GRIP1: variants seen among roughly 807,000 people sequenced by gnomAD.
The protein encoded by GRIP1 is glutamate receptor-interacting protein 1.
A neutral mutation model predicts 129.9 loss-of-function variants in GRIP1; 45 were observed. That is an observed-to-expected ratio of 0.35 (90% CI 0.27 to 0.44). GRIP1 has a LOEUF of 0.44. Among genes scored for constraint, GRIP1 ranks in the 20% least tolerant of loss-of-function variants. The probability of loss-of-function intolerance (pLI) is 1.00; values close to 1 mark genes in which losing one functional copy is unlikely to be tolerated. For synonymous variants in GRIP1, 530 were observed against 520.8 expected, an observed-to-expected ratio of 1.02 and a Z score of -0.24; for missense variants, 1,196 against 1,396.8, an observed-to-expected ratio of 0.86 and a Z score of 2.29.
chr12:66,790,354 T>A (rs185344164), intron 1 of GRIP1, among the ~76,000 whole-genome samples: 1 of 152,136 alleles, frequency 6.6e-6, no homozygotes, highest in Non-Finnish European at 1.5e-5. Context: ...CCTCAAAAAA[T>A]TTTAGCCTTG....
chr12:66,432,808 C>G (rs1409924380), intron 13 of GRIP1, among the ~76,000 whole-genome samples, 180 bp from the exon 14 acceptor site: 1 of 152,160 alleles, frequency 6.6e-6, no homozygotes, highest in Non-Finnish European at 1.5e-5. Context: ...AATACACTTC[C>G]TATCCACAGG....
intron 1 of GRIP1, among the ~76,000 whole-genome samples, chr12:66,736,346 A>ATTTTTTTTTTTTTTTTTTTTTT (rs547706592): frequency 1.5e-5 from 1 of 67,004 alleles, no homozygotes; most frequent in Non-Finnish European, 2.7e-5. Flanking sequence ...TGCCTGGCTA[A>ATTTTTTTTTTTTTTTTTTTTTT]TTTTTTTTTT....
At chr12:67,002,001 C>T (rs975288405) in intron 1 of GRIP1, among the ~76,000 whole-genome samples, 3 of 151,406 alleles carry the variant, frequency 2.0e-5, no homozygotes, top group East Asian at 1.9e-4. Flanking sequence ...GAATACAACA[C>T]GACATAGAGA....
At chr12:66,409,121 C>T (rs939754971) in intron 15 of GRIP1, among the ~76,000 whole-genome samples, 6 of 152,110 alleles carry the variant, frequency 3.9e-5, no homozygotes, top group Non-Finnish European at 5.9e-5. Flanking sequence ...AGGATACTAC[C>T]CTGGCTGGCT....
At chr12:66,747,985 T>C (rs185689171) in intron 1 of GRIP1, among the ~76,000 whole-genome samples, 2 of 152,278 alleles carry the variant, frequency 1.3e-5, no homozygotes, top group Admixed American at 6.5e-5. Flanking sequence ...AATGTGGATA[T>C]AAATATGTAT....
intron 1 of GRIP1, among the ~76,000 whole-genome samples, chr12:66,656,506 C>A (rs537638034): frequency 4.0e-4 from 61 of 152,288 alleles, no homozygotes; most frequent in African/African-American, 1.4e-3. Flanking sequence ...GCCTCTCTGA[C>A]ACCAAGACCA....
chr12:66,572,446 T>C (rs953067336), intron 2 of GRIP1, among the ~76,000 whole-genome samples: 6 of 152,170 alleles, frequency 3.9e-5, no homozygotes, highest in African/African-American at 1.4e-4. Context: ...AGCATGGCTA[T>C]TCTATGAGGG....
chr12:66,371,686 T>C lies in GRIP1; in HGVS notation c.3012+8A>G. The C allele has an allele frequency of 6.3e-7, 1 of 1,579,232 alleles. No individual in the cohort carries two copies. On this transcript the variant is annotated splice_region_variant and intron_variant, in intron 23 of 24. Transcript: ENST00000359742. ...TGACCCTAGGGAAAGAAGAGAAAGC[T>C]TACTGACCTTGTGCAGCTCCACAGG...
rs1592686805 is a variant in GRIP1 at position 66,639,646 on chromosome 12, A to T, written c.55+39204T>A. On this transcript the variant is annotated intron_variant, in intron 1 of 24. Transcript: ENST00000359742. ...AAAGAATGATAAATAATCCAGCATA[A>T]AATGTCCCTTTGAACTATCATTGCA... 3.9e-5 allele frequency among the ~76,000 whole-genome samples: 6 copies of T among 152,216 alleles called. No individual in the cohort carries two copies. In the South Asian group the frequency reaches 1.0e-3, roughly 26 times the overall value.
chr12:66,808,197 T>C (rs2039034213), upstream of GRIP1, among the ~76,000 whole-genome samples: 1 of 152,112 alleles, frequency 6.6e-6, no homozygotes, highest in African/African-American at 2.4e-5. Context: ...GATGGGACAG[T>C]TGAGAAGTTG....
At chr12:66,436,188 C>A (rs1388959100) in intron 13 of GRIP1, among the ~76,000 whole-genome samples, 1 of 152,172 alleles carries the variant, frequency 6.6e-6, no homozygotes, top group Non-Finnish European at 1.5e-5. Flanking sequence ...CTCCTTCTTT[C>A]CAAGTGGTCT....
chr12:66,641,179 G>A (rs1052495367), intron 1 of GRIP1, among the ~76,000 whole-genome samples: 3 of 152,208 alleles, frequency 2.0e-5, no homozygotes, highest in African/African-American at 7.2e-5. Context: ...AGGCTCTGAG[G>A]AAATGGTAGT....
At chr12:67,025,640 C>T (rs1037369814) in intron 1 of GRIP1, among the ~76,000 whole-genome samples, 11 of 152,072 alleles carry the variant, frequency 7.2e-5, no homozygotes, top group African/African-American at 2.4e-4. Context: ...TAAGGCTAGA[C>T]TATTGCCCCA....
chr12:67,055,595 T>C (rs1290276375), intron 1 of GRIP1, among the ~76,000 whole-genome samples: 2 of 152,256 alleles, frequency 1.3e-5, no homozygotes, highest in Non-Finnish European at 2.9e-5. Flanking sequence ...TTTTTGGTCA[T>C]GCCTCTCAAT....
chr12:66,967,672 T>C (rs958204635), intron 1 of GRIP1, among the ~76,000 whole-genome samples: 1 of 152,168 alleles, frequency 6.6e-6, no homozygotes, highest in Admixed American at 6.6e-5. Flanking sequence ...AAAATACTCT[T>C]AAATTTATCT....
intron 1 of GRIP1, among the ~76,000 whole-genome samples, chr12:66,868,764 T>A (rs1057427863): frequency 2.0e-5 from 3 of 152,100 alleles, no homozygotes; most frequent in African/African-American, 7.2e-5. Context: ...ATGTGAAGAA[T>A]CCATGATGTT....
At chr12:66,592,914 T>C (rs1254464784) in intron 2 of GRIP1, among the ~76,000 whole-genome samples, 1 of 152,222 alleles carries the variant, frequency 6.6e-6, no homozygotes, top group Non-Finnish European at 1.5e-5. Context: ...AATCTGTTAG[T>C]TCTGAATACC....
intron 1 of GRIP1, among the ~76,000 whole-genome samples, chr12:66,916,679 AT>A (rs2041128330): frequency 6.6e-6 from 1 of 152,104 alleles, no homozygotes; most frequent in African/African-American, 2.4e-5. Context: ...TTATTCAAAT[AT>A]TTTTTCTTCT....
intron 1 of GRIP1, among the ~76,000 whole-genome samples, chr12:66,823,237 T>C (rs1352000553): frequency 7.9e-5 from 12 of 152,160 alleles, no homozygotes; most frequent in Non-Finnish European, 4.4e-5. Flanking sequence ...CATGTAAATA[T>C]CTTGAATATC....
Sources: allele counts gnomAD v4.1 joint callset (sites outside exome capture counted in the v4.1 genomes callset), GRCh38; gene constraint gnomAD v4.1.1; transcripts MANE v1.5; gene names NCBI Gene and HGNC (gene_info 2026-07-23, HGNC 2026-07-21).